The following PTP4A2 variants were observed in gnomAD, a reference collection of about 807,000 sequenced individuals.
The protein encoded by PTP4A2 is protein tyrosine phosphatase 4A2, also known as protein tyrosine phosphatase type IVA 2.
A neutral mutation model predicts 22.9 loss-of-function variants in PTP4A2; 2 were observed. The observed-to-expected ratio is 0.09, with a 90% confidence interval of 0.04 to 0.27. The LOEUF (loss-of-function observed/expected upper bound fraction) is 0.27. Ranked by LOEUF, PTP4A2 falls within the 10% of genes least tolerant of loss-of-function variation. The pLI is 1.00. For synonymous variants in PTP4A2, 68 were observed against 69.1 expected (o/e 0.98, Z 0.08); for missense variants, 103 against 205.1 (o/e 0.50, Z 3.04).
Position 31,907,995 on chromosome 1 carries a change from T to C in PTP4A2, c.*857A>G, listed in dbSNP as rs540616136. The C allele has an allele frequency of 6.7e-6, 1 of 149,706 alleles. No individual in the cohort carries two copies. The highest frequency in any genetic ancestry group is 2.0e-4 in the East Asian group (1 of 5,120). 9.3% of individuals were successfully genotyped at this position (149,706 alleles called of 1,614,324 possible). A position where few individuals can be genotyped will look rare whatever the true frequency, so the allele number is the denominator to read the frequency against. ...TCTTAAAATGCCATTTCTCCACTAA[T>C]TTATCAAAATAAAAACAAAACAAAA... On this transcript the variant is annotated 3_prime_UTR_variant, in exon 6 of 6. Coordinates refer to ENST00000647444, the MANE Select transcript of PTP4A2 (RefSeq NM_080391.4).
Position 31,907,811 on chromosome 1 carries a change from C to T in PTP4A2, c.*1041G>A, listed in dbSNP as rs1174493164. The T allele has an allele frequency of 6.6e-6, 1 of 151,902 alleles. No individual in the cohort carries two copies. Among genetic ancestry groups the T allele is most frequent in the Non-Finnish European group, 1.5e-5 (1 of 67,998 alleles). 9.4% of individuals were successfully genotyped at this position (151,902 alleles called of 1,614,324 possible). On this transcript the variant is annotated 3_prime_UTR_variant, in exon 6 of 6. Coordinates refer to ENST00000647444, the MANE Select transcript of PTP4A2 (RefSeq NM_080391.4). The stretch of plus-strand genomic sequence containing the variant: ...AAAATCAGAGTAACGCTACAGCCCA[C>T]AATTCTACAGGGTGTAAAAAGTACG...
rs907780770 is a variant in PTP4A2 at position 31,919,557 on chromosome 1, C to T, written c.-492G>A. 8 of 152,814 alleles carry T rather than the reference C, an allele frequency of 5.2e-5. No homozygotes were observed. Among genetic ancestry groups the T allele is most frequent in the African/African-American group, 1.7e-4 (7 of 41,440 alleles). The allele number at this position is 152,814 out of a possible 1,614,324, so 9.5% of individuals were successfully genotyped here. A position where few individuals can be genotyped will look rare whatever the true frequency, so the allele number is the denominator to read the frequency against. On this transcript the variant is annotated 5_prime_UTR_variant, in exon 2 of 6. Coordinates refer to ENST00000647444, the MANE Select transcript of PTP4A2 (RefSeq NM_080391.4). ...ATGTTAATTATGGCACATAGAACCT[C>T]CAAGCTCACTTGTCAGCGAAAATGC...
chr1:31,935,722 G>A (rs767025170), intron 1 of PTP4A2: 1 of 152,172 alleles, frequency 6.6e-6, no homozygotes, highest in African/African-American at 2.4e-5. Flanking sequence ...CACCTTTCTT[G>A]TAGTTGTGAG....
chr1:31,931,248 A>ATT (rs1352765396), intron 1 of PTP4A2: 1 of 152,234 alleles, frequency 6.6e-6, no homozygotes, highest in Non-Finnish European at 1.5e-5. Flanking sequence ...ATGGAGTAGG[A>ATT]TTAAGACTTC....
intron 4 of PTP4A2, 75 bp from the exon 5 acceptor site, chr1:31,910,187 A>AATATGCAG: frequency 3.6e-6 from 4 of 1,097,026 alleles, no homozygotes; most frequent in Non-Finnish European, 5.5e-6. Context: ...GTAACTGCAT[A>AATATGCAG]TTACCAATGC....
chr1:31,917,013 G>C (rs1377989957), intron 2 of PTP4A2, among the ~76,000 whole-genome samples: 3 of 152,196 alleles, frequency 2.0e-5, no homozygotes, highest in Non-Finnish European at 4.4e-5. Flanking sequence ...GTTATAGCCA[G>C]AAGCCTTGCT....
intron 2 of PTP4A2, among the ~76,000 whole-genome samples, chr1:31,916,381 C>T (rs1315128895): frequency 2.3e-5 from 3 of 127,696 alleles, no homozygotes; most frequent in Non-Finnish European, 5.0e-5. Context: ...AAGAAATCTA[C>T]TATTATAAAT....
chr1:31,920,766 G>T (rs1652107678), intron 1 of PTP4A2, among the ~76,000 whole-genome samples: 1 of 151,942 alleles, frequency 6.6e-6, no homozygotes, highest in African/African-American at 2.4e-5. Flanking sequence ...TCGAACTCCT[G>T]ACCTCAGGTG....
chr1:31,913,939 A>G lies in PTP4A2; in HGVS notation c.189+1956T>C, dbSNP rs137873358. 360 of 454,466 alleles carry G rather than the reference A, an allele frequency of 7.9e-4. 2 individuals are homozygous for G. The highest frequency in any genetic ancestry group is 6.5e-3 in the African/African-American group (325 of 50,116). The allele number at this position is 454,466 out of a possible 1,614,324, so 28.2% of individuals were successfully genotyped here. A position where few individuals can be genotyped will look rare whatever the true frequency, so the allele number is the denominator to read the frequency against. Reference sequence around the variant, plus strand: ...GCTTATTTTCGGAAGTTTAAATTTTATTACTACTTTTTAAACACAGGGCTG... The same window carrying G: ...GCTTATTTTCGGAAGTTTAAATTTTGTTACTACTTTTTAAACACAGGGCTG... On this transcript the variant is annotated intron_variant, in intron 3 of 5. Transcript: ENST00000647444.
At position 31,912,733 on chromosome 1, in the gene PTP4A2, T is replaced by G. The variant is rs1490748641; in HGVS notation, c.190-907A>C. Among the ~76,000 whole-genome samples the G allele has an allele frequency of 5.9e-5, 9 of 152,278 alleles. No individual in the cohort carries two copies. In the South Asian group the frequency reaches 1.7e-3, roughly 28 times the overall value. ...GCAAAAACACTGTTAGGAATTTTTT[T>G]AAAAACATAAGGCTATTCTAATGAG... On this transcript the variant is annotated intron_variant, in intron 3 of 5. Transcript: ENST00000647444.
chr1:31,909,682 AAAAG>A (rs1651431268), intron 5 of PTP4A2, among the ~76,000 whole-genome samples: 1 of 152,056 alleles, frequency 6.6e-6, no homozygotes, highest in Admixed American at 6.6e-5. Flanking sequence ...AAAAAAAAAA[AAAAG>A]AGTCTCAGGT....
At chr1:31,917,634 T>C (rs953925628) in intron 2 of PTP4A2, among the ~76,000 whole-genome samples, 7 of 152,048 alleles carry the variant, frequency 4.6e-5, no homozygotes, top group African/African-American at 1.2e-4. Context: ...ACTCCATAAA[T>C]ACAGCAAGAA....
At chr1:31,922,227 G>T (rs1271367539) in intron 1 of PTP4A2, among the ~76,000 whole-genome samples, 1 of 152,232 alleles carries the variant, frequency 6.6e-6, no homozygotes, top group African/African-American at 2.4e-5. Flanking sequence ...GCTCACGCCT[G>T]TATCTCAGCA....
chr1:31,915,500 G>A (rs1651777552), intron 3 of PTP4A2: 1 of 150,494 alleles, frequency 6.6e-6, no homozygotes. Context: ...GACTACAAAT[G>A]TGTGCCACCG....
intron 1 of PTP4A2, among the ~76,000 whole-genome samples, chr1:31,931,779 G>A (rs979553717): frequency 6.6e-6 from 1 of 152,166 alleles, no homozygotes; most frequent in Non-Finnish European, 1.5e-5. Context: ...TGAAAATAAT[G>A]TCACTAGAAT....
In PTP4A2 at chr1:31,908,412, A is replaced by G. The variant is rs1452271715; in HGVS notation, c.*440T>C. 6.7e-6 allele frequency: 1 copy of G among 149,748 alleles called. No individual in the cohort carries two copies. The highest frequency in any genetic ancestry group is 2.0e-4 in the East Asian group (1 of 5,116). The allele number at this position is 149,748 out of a possible 1,614,324, so 9.3% of individuals were successfully genotyped here. On this transcript the variant is annotated 3_prime_UTR_variant, in exon 6 of 6. Coordinates refer to ENST00000647444, the MANE Select transcript of PTP4A2 (RefSeq NM_080391.4). ...AATATACCACCAACCCTCCCCCACA[A>G]AAAAAGGGAAAAAAAAAATCCCACC... is the stretch of plus-strand genomic sequence containing the variant.
intron 3 of PTP4A2, 72 bp from the exon 4 acceptor site, chr1:31,911,898 C>T: frequency 1.7e-6 from 2 of 1,163,586 alleles, no homozygotes; most frequent in Non-Finnish European, 1.2e-6. Context: ...AGAATACCTG[C>T]ACACAGTACA....
chr1:31,924,550 C>A (rs1652357870), intron 1 of PTP4A2, among the ~76,000 whole-genome samples: 1 of 152,214 alleles, frequency 6.6e-6, no homozygotes, highest in African/African-American at 2.4e-5. Context: ...TATGTTTTAA[C>A]ATAAATTCAG....
At chr1:31,912,701 T>C (rs898454565) in intron 3 of PTP4A2, among the ~76,000 whole-genome samples, 1 of 152,110 alleles carries the variant, frequency 6.6e-6, no homozygotes, top group Non-Finnish European at 1.5e-5. Context: ...GCTTCAAAGA[T>C]AGAAATGCAA....
Sources: allele counts gnomAD v4.1 joint callset (sites outside exome capture counted in the v4.1 genomes callset), GRCh38; gene constraint gnomAD v4.1.1; transcripts MANE v1.5; gene names NCBI Gene and HGNC (gene_info 2026-07-23, HGNC 2026-07-21).